Variants in KCNG3 observed in about 807,000 individuals in gnomAD.
The protein encoded by KCNG3 is potassium voltage-gated channel modifier subfamily G member 3.
Under a neutral mutation model 29.0 loss-of-function variants are expected in KCNG3, and 15 were observed. The observed-to-expected ratio is 0.52, with a 90% CI of 0.35 to 0.80. The LOEUF (loss-of-function observed/expected upper bound fraction) is 0.80. Among genes scored for constraint, KCNG3 ranks in the 30% least tolerant of loss-of-function variants. The pLI is 0.01. For missense variants in KCNG3, 512 were observed against 605.7 expected, an observed-to-expected ratio of 0.85 and a Z score of 1.62; for synonymous variants, 322 against 248.9, an observed-to-expected ratio of 1.29 and a Z score of -2.76.
At chr2:42,420,518 G>C in the KCNG3 span, among the ~76,000 whole-genome samples, 1 of 152,130 alleles carries the variant, frequency 6.6e-6, no homozygotes, top group Non-Finnish European at 1.5e-5. Flanking sequence ...GGCCGGGTGA[G>C]ATGGCTCATG....
At chr2:42,466,644 C>T (rs1434264109) in intron 1 of KCNG3, among the ~76,000 whole-genome samples, 2 of 151,878 alleles carry the variant, frequency 1.3e-5, no homozygotes, top group South Asian at 2.1e-4. Context: ...GGTCGTTATG[C>T]GACACACGAC....
chr2:42,411,122 T>C, the KCNG3 span, among the ~76,000 whole-genome samples: 1 of 152,236 alleles, frequency 6.6e-6, no homozygotes, highest in Non-Finnish European at 1.5e-5. Context: ...CTTTTTGATT[T>C]TCTGTTCTGT....
intron 1 of KCNG3, among the ~76,000 whole-genome samples, chr2:42,449,462 A>C (rs1672691035): frequency 7.0e-6 from 1 of 143,198 alleles, no homozygotes; most frequent in African/African-American, 2.5e-5. Context: ...TAAAGTACCT[A>C]CTATCATTGA....
the KCNG3 span, among the ~76,000 whole-genome samples, chr2:42,391,036 T>C: frequency 1.3e-5 from 2 of 152,168 alleles, no homozygotes; most frequent in Non-Finnish European, 2.9e-5. Flanking sequence ...TGGGGAATCT[T>C]CAGGAAGGAC....
intron 1 of KCNG3, among the ~76,000 whole-genome samples, chr2:42,477,001 C>T (rs1448646606): frequency 6.2e-5 from 9 of 144,486 alleles, no homozygotes; most frequent in Non-Finnish European, 9.1e-5. Flanking sequence ...CTGGCTAACA[C>T]GGTGAAACCC....
chr2:42,425,226 C>G, the KCNG3 span: 2 of 149,122 alleles, frequency 1.3e-5, no homozygotes, highest in Non-Finnish European at 3.0e-5. Context: ...GGCAAAAACC[C>G]GACTCTACTA....
chr2:42,399,727 G>A, the KCNG3 span, among the ~76,000 whole-genome samples: 2 of 152,272 alleles, frequency 1.3e-5, no homozygotes, highest in South Asian at 4.1e-4. Context: ...TGCACTGTGA[G>A]CAGTTCCCAT....
chr2:42,456,840 G>A (rs1672887055), intron 1 of KCNG3, among the ~76,000 whole-genome samples: 1 of 152,052 alleles, frequency 6.6e-6, no homozygotes, highest in Non-Finnish European at 1.5e-5. Context: ...AAAATTTCCA[G>A]CAAACTGCAC....
the KCNG3 span, among the ~76,000 whole-genome samples, chr2:42,405,365 C>A: frequency 1.3e-5 from 2 of 151,734 alleles, no homozygotes; most frequent in African/African-American, 4.8e-5. Flanking sequence ...TTTTCTGTTT[C>A]ATCAATTTGT....
the KCNG3 span, among the ~76,000 whole-genome samples, chr2:42,427,514 GAGC>G: frequency 1.3e-5 from 2 of 151,894 alleles, no homozygotes; most frequent in African/African-American, 4.8e-5. Context: ...GCTGAGGTGG[GAGC>G]ATCACTTGAG....
intron 1 of KCNG3, among the ~76,000 whole-genome samples, chr2:42,471,349 C>A (rs535528190): frequency 4.6e-5 from 7 of 152,136 alleles, no homozygotes; most frequent in Non-Finnish European, 8.8e-5. Flanking sequence ...GAATAAAATA[C>A]CACATGGATG....
intron 1 of KCNG3, among the ~76,000 whole-genome samples, chr2:42,452,314 T>C (rs1672780515): frequency 6.7e-6 from 1 of 148,584 alleles, no homozygotes; most frequent in Non-Finnish European, 1.5e-5. Flanking sequence ...GGAGCAGTCA[T>C]AGCTCACTGC....
At chr2:42,419,219 CTTTTTTTTTTTTTT>C in the KCNG3 span, among the ~76,000 whole-genome samples, 116 of 27,758 alleles carry the variant, frequency 4.2e-3, no homozygotes, top group South Asian at 5.5e-3. Context: ...GATGGTATCT[CTTTTTTTTTTTTTT>C]TTTTTTTTTT....
At chr2:42,402,218 G>A in the KCNG3 span, among the ~76,000 whole-genome samples, 5 of 152,254 alleles carry the variant, frequency 3.3e-5, no homozygotes, top group South Asian at 2.1e-4. Context: ...TCAGACCTTC[G>A]GTCCAGACTG....
the KCNG3 span, among the ~76,000 whole-genome samples, chr2:42,431,119 A>AG: frequency 2.6e-5 from 4 of 151,858 alleles, no homozygotes; most frequent in Non-Finnish European, 5.9e-5. Flanking sequence ...AAAAAAAAAA[A>AG]AAAATTATAA....
the KCNG3 span, among the ~76,000 whole-genome samples, chr2:42,424,639 T>C: frequency 1.3e-5 from 2 of 152,114 alleles, no homozygotes; most frequent in Admixed American, 6.5e-5. Flanking sequence ...AGAACTCAAA[T>C]GAGAAGCAAA....
the KCNG3 span, among the ~76,000 whole-genome samples, chr2:42,406,943 T>A: frequency 6.6e-6 from 1 of 152,126 alleles, no homozygotes; most frequent in African/African-American, 2.4e-5. Flanking sequence ...ACATTCTATA[T>A]GATAAAATTT....
intron 1 of KCNG3, among the ~76,000 whole-genome samples, chr2:42,479,244 T>A (rs1673519491): frequency 6.6e-6 from 1 of 152,152 alleles, no homozygotes; most frequent in Non-Finnish European, 1.5e-5. Context: ...ATACAAAGAA[T>A]AAAGCACTTA....
the KCNG3 span, among the ~76,000 whole-genome samples, chr2:42,429,916 C>T: frequency 6.6e-6 from 1 of 152,150 alleles, no homozygotes; most frequent in Non-Finnish European, 1.5e-5. Flanking sequence ...CCAGACTCAG[C>T]CAGGCAGCTG....
Sources: gnomAD v4.1 joint callset for allele counts (sites outside exome capture counted in the v4.1 genomes callset) on GRCh38, gnomAD v4.1.1 for gene constraint, MANE v1.5 for transcripts, NCBI Gene and HGNC (gene_info 2026-07-23, HGNC 2026-07-21) for gene names.